EYA4: variants seen among roughly 807,000 people sequenced by gnomAD.
EYA4 encodes the protein protein phosphatase EYA4.
EYA4 carries 31 observed loss-of-function variants against 87.9 expected under a neutral mutation model. The observed-to-expected ratio is 0.35, with a 90% CI of 0.27 to 0.48. The LOEUF (loss-of-function observed/expected upper bound fraction) is 0.48. EYA4 is among the 20% of genes least tolerant of loss of function. The probability of loss-of-function intolerance (pLI) is 0.99; values close to 1 mark genes in which losing one functional copy is unlikely to be tolerated. For missense variants in EYA4, 678 were observed against 761.4 expected (o/e 0.89, Z 1.29); for synonymous variants, 263 against 270.6 (o/e 0.97, Z 0.28).
intron 17 of EYA4, among the ~76,000 whole-genome samples, chr6:133,515,695 G>A (rs184372690): frequency 1.3e-5 from 2 of 151,706 alleles, no homozygotes; most frequent in Admixed American, 1.3e-4. Flanking sequence ...GAATAAACAG[G>A]AGACCCTATC....
intron 13 of EYA4, among the ~76,000 whole-genome samples, chr6:133,488,297 C>T (rs1796848934): frequency 6.6e-6 from 1 of 152,076 alleles, no homozygotes; most frequent in Non-Finnish European, 1.5e-5. Context: ...TAGATGGAGC[C>T]AGGCTCTGTA....
At chr6:133,291,659 G>A (rs914189269) in intron 2 of EYA4, among the ~76,000 whole-genome samples, 3 of 152,136 alleles carry the variant, frequency 2.0e-5, no homozygotes, top group South Asian at 2.1e-4. Flanking sequence ...TTTTAGGAGC[G>A]TTTTCATAAA....
chr6:133,406,960 A>G (rs1788761465), intron 3 of EYA4, among the ~76,000 whole-genome samples: 1 of 152,190 alleles, frequency 6.6e-6, no homozygotes, highest in African/African-American at 2.4e-5. Context: ...TTCTAGAATA[A>G]AGTAAGCACT....
intron 3 of EYA4, among the ~76,000 whole-genome samples, chr6:133,405,357 T>C (rs1171553800): frequency 1.3e-5 from 2 of 152,222 alleles, no homozygotes; most frequent in East Asian, 1.9e-4. Flanking sequence ...ATACTTCTTA[T>C]AGTCCAGTGG....
Position 133,512,708 on chromosome 6 carries a change from A to G in EYA4, c.1282-13A>G. The G allele has an allele frequency of 1.2e-6, 2 of 1,601,600 alleles. No homozygotes were observed. The highest frequency in any genetic ancestry group is 8.6e-7 in the Non-Finnish European group (1 of 1,168,602). On this transcript the variant is annotated splice_polypyrimidine_tract_variant and intron_variant, in intron 14 of 19. Coordinates refer to ENST00000355286, the MANE Select transcript of EYA4 (RefSeq NM_004100.5). ...ATTTAGAAAACAAATAACTTTTCCA[A>G]TGTTTTTAACAGGAGTGTGATCAAG... is the stretch of plus-strand genomic sequence containing the variant.
At chr6:133,296,367 T>G (rs940888833) in intron 2 of EYA4, among the ~76,000 whole-genome samples, 2 of 152,156 alleles carry the variant, frequency 1.3e-5, no homozygotes, top group Admixed American at 1.3e-4. Flanking sequence ...TCTGACATAG[T>G]GTGCCTTGTG....
At chr6:133,368,681 G>A (rs1020504529) in intron 2 of EYA4, among the ~76,000 whole-genome samples, 2 of 152,140 alleles carry the variant, frequency 1.3e-5, no homozygotes, top group African/African-American at 4.8e-5. Context: ...CACATGCTTT[G>A]TGAACTTTGA....
At chr6:133,521,931 C>G (rs964086444) in intron 17 of EYA4, among the ~76,000 whole-genome samples, 1 of 133,842 alleles carries the variant, frequency 7.5e-6, no homozygotes, top group African/African-American at 2.8e-5. Context: ...CACATGGACA[C>G]AGGAAGGGGA....
chr6:133,504,107 AG>A (rs1305620612), intron 13 of EYA4, among the ~76,000 whole-genome samples: 1 of 152,134 alleles, frequency 6.6e-6, no homozygotes, highest in East Asian at 1.9e-4. Context: ...TAGTAGAAAC[AG>A]GGTTTTACCA....
intron 3 of EYA4, among the ~76,000 whole-genome samples, chr6:133,402,764 A>G (rs1788373263): frequency 6.6e-6 from 1 of 152,320 alleles, no homozygotes; most frequent in South Asian, 2.1e-4. Flanking sequence ...TAAAATGTGA[A>G]CCCAAAAGAA....
chr6:133,266,236 C>G (rs1167950387), intron 1 of EYA4, among the ~76,000 whole-genome samples: 1 of 152,082 alleles, frequency 6.6e-6, no homozygotes, highest in East Asian at 1.9e-4. Flanking sequence ...AAAATTTGTA[C>G]AGAGACATAC....
chr6:133,446,553 A>G (rs186885102), intron 3 of EYA4, 77 bp from the exon 4 acceptor site: 23 of 1,538,080 alleles, frequency 1.5e-5, no homozygotes, highest in African/African-American at 8.2e-5. Flanking sequence ...CACGTGGTCA[A>G]TAGAATAATA....
chr6:133,331,390 C>A (rs1781948343), intron 2 of EYA4, among the ~76,000 whole-genome samples: 2 of 152,072 alleles, frequency 1.3e-5, no homozygotes, highest in Admixed American at 6.5e-5. Context: ...TCTTAAGGAC[C>A]TACTGATGCC....
intron 3 of EYA4, among the ~76,000 whole-genome samples, chr6:133,423,815 T>TA (rs1396425802): frequency 3.3e-5 from 5 of 152,226 alleles, no homozygotes; most frequent in African/African-American, 1.2e-4. Context: ...TACTTATTGT[T>TA]ACGGGATCTT....
At chr6:133,407,787 T>C (rs1351592993) in intron 3 of EYA4, among the ~76,000 whole-genome samples, 1 of 152,192 alleles carries the variant, frequency 6.6e-6, no homozygotes, top group Non-Finnish European at 1.5e-5. Context: ...AGCTTCCTTA[T>C]AAAGGTATTT....
chr6:133,376,176 AT>A (rs917576988), intron 2 of EYA4, among the ~76,000 whole-genome samples: 48 of 151,834 alleles, frequency 3.2e-4, no homozygotes, highest in Non-Finnish European at 4.6e-4. Context: ...TTGGAAAAAA[AT>A]ATTTTTCTAT....
intron 2 of EYA4, among the ~76,000 whole-genome samples, chr6:133,371,099 T>C (rs1785232268): frequency 6.6e-6 from 1 of 152,188 alleles, no homozygotes; most frequent in South Asian, 2.1e-4. Context: ...TGTGGGAGAA[T>C]TGTCAAAATA....
chr6:133,257,355 G>T (rs1336908329), intron 1 of EYA4, among the ~76,000 whole-genome samples: 1 of 152,114 alleles, frequency 6.6e-6, no homozygotes, highest in African/African-American at 2.4e-5. Context: ...CCCCAACGTA[G>T]GTGAGGCCTG....
chr6:133,478,975 A>G (rs1261158757), intron 11 of EYA4, among the ~76,000 whole-genome samples: 1 of 152,152 alleles, frequency 6.6e-6, no homozygotes, highest in Non-Finnish European at 1.5e-5. Context: ...ACAAGAACAA[A>G]GTTGCCTTAT....
Sources: allele counts gnomAD v4.1 joint callset (sites outside exome capture counted in the v4.1 genomes callset), GRCh38; gene constraint gnomAD v4.1.1; transcripts MANE v1.5; gene names NCBI Gene and HGNC (gene_info 2026-07-23, HGNC 2026-07-21).